Variants in MTOR observed in about 807,000 individuals in gnomAD.
MTOR encodes the protein serine/threonine-protein kinase mTOR.
MTOR carries 70 observed loss-of-function variants against 319.8 expected under a neutral mutation model. The observed-to-expected ratio is 0.22, with a 90% confidence interval of 0.18 to 0.27. The LOEUF is 0.27. Ranked by LOEUF, MTOR falls within the 10% of genes least tolerant of loss-of-function variation. MTOR has a pLI of 1.00. For missense variants in MTOR, 1,890 were observed against 3,274.4 expected (o/e 0.58, Z 10.32); for synonymous variants, 1,183 against 1,211.4 (o/e 0.98, Z 0.49).
intron 30 of MTOR, among the ~76,000 whole-genome samples, chr1:11,155,939 T>C (rs17036421): frequency 0.059 from 9,008 of 152,314 alleles, 377 homozygotes; most frequent in South Asian, 0.12. Context: ...AGGGATAACC[T>C]ACTAGTCGGG....
intron 19 of MTOR, chr1:11,226,400 G>A (rs1646839781): frequency 6.6e-6 from 1 of 152,134 alleles, no homozygotes; most frequent in South Asian, 2.1e-4. Flanking sequence ...CTACCAAAAA[G>A]CTACAACAAA....
intron 25 of MTOR, 42 bp downstream of exon 25, chr1:11,209,270 G>A: frequency 6.2e-7 from 1 of 1,613,440 alleles, no homozygotes; most frequent in African/African-American, 1.3e-5. Flanking sequence ...AGTGAGAAGA[G>A]CAGAGCTCTC....
intron 17 of MTOR, 71 bp downstream of exon 17, chr1:11,231,229 T>G (rs1647004925): frequency 6.2e-7 from 1 of 1,602,724 alleles, no homozygotes; most frequent in Non-Finnish European, 8.5e-7. Context: ...AGCATGTTAA[T>G]GCTGCAACCA....
intron 28 of MTOR, among the ~76,000 whole-genome samples, chr1:11,179,963 G>A (rs1415710192): frequency 1.3e-5 from 2 of 152,200 alleles, no homozygotes; most frequent in Non-Finnish European, 2.9e-5. Flanking sequence ...CCACGCTGGA[G>A]TGCAGTGGTG....
intron 57 of MTOR, 118 bp downstream of exon 57, chr1:11,108,063 G>T: frequency 1.4e-6 from 1 of 700,182 alleles, no homozygotes; most frequent in Admixed American, 2.7e-5. Flanking sequence ...AGAGATCTGA[G>T]CTCTAACTGC....
chr1:11,161,506 C>T (rs1412621553), intron 29 of MTOR, among the ~76,000 whole-genome samples: 2 of 152,202 alleles, frequency 1.3e-5, no homozygotes, highest in Non-Finnish European at 2.9e-5. Flanking sequence ...TCTCTGACCC[C>T]CCAGTAGCCT....
intron 11 of MTOR, among the ~76,000 whole-genome samples, chr1:11,239,018 C>T (rs1344068926): frequency 6.6e-6 from 1 of 151,820 alleles, no homozygotes; most frequent in African/African-American, 2.4e-5. Flanking sequence ...TTGTGATCCG[C>T]CCGCCTCGGC....
chr1:11,148,027 T>C (rs557952173), intron 31 of MTOR, among the ~76,000 whole-genome samples: 2 of 152,358 alleles, frequency 1.3e-5, no homozygotes, highest in East Asian at 1.9e-4. Flanking sequence ...GGGTTCATTA[T>C]ACTATAATCT....
chr1:11,159,911 A>C (rs373926864), intron 29 of MTOR, among the ~76,000 whole-genome samples: 1 of 152,146 alleles, frequency 6.6e-6, no homozygotes, highest in Admixed American at 6.5e-5. Context: ...AAGTTGATTA[A>C]GTTGATGCTT....
At chr1:11,186,082 C>CAAAAA (rs765868801) in intron 28 of MTOR, among the ~76,000 whole-genome samples, 52 of 42,980 alleles carry the variant, frequency 1.2e-3, no homozygotes, top group East Asian at 1.8e-3. Flanking sequence ...GACTCCGTCT[C>CAAAAA]AAAAAAAAAA....
intron 46 of MTOR, among the ~76,000 whole-genome samples, chr1:11,124,885 G>A (rs1477394006): frequency 2.0e-5 from 3 of 152,246 alleles, no homozygotes; most frequent in Non-Finnish European, 4.4e-5. Context: ...GGTTAGGCAT[G>A]GAAATGATCA....
chr1:11,255,291 G>C (rs1353623516), intron 5 of MTOR, among the ~76,000 whole-genome samples: 8 of 146,546 alleles, frequency 5.5e-5, no homozygotes, highest in African/African-American at 2.1e-4. Flanking sequence ...GCTGAGGCAG[G>C]AGAATCACTT....
rs2100424377 is a variant in MTOR, at chr1:11,129,824, G to A, written c.5628C>T (p.Thr1876=). ...QKKVTEDLSK[T]LLMYTVPAVQ... is the part of the protein sequence containing the mutation. ...CGGCAGGCACCGTGTACATCAGGAG[G>A]GTTTTGGACAGATCCTGTTGGAACA... is the stretch of plus-strand genomic sequence containing the variant. Residue 1876 remains threonine (T), a synonymous_variant, in exon 40 of 58, where the codon ACC becomes ACT. Coordinates refer to ENST00000361445, the MANE Select transcript of MTOR (RefSeq NM_004958.4). The surrounding 1 kb of genome is among the most constrained non-coding windows in gnomAD (Gnocchi z 4.7). The A allele has an allele frequency of 6.2e-7, 1 of 1,614,146 alleles. No homozygotes were observed. The highest frequency in any genetic ancestry group is 1.1e-5 in the South Asian group (1 of 91,076).
At chr1:11,130,288 A>G (rs1016437054) in intron 39 of MTOR, among the ~76,000 whole-genome samples, 3 of 152,226 alleles carry the variant, frequency 2.0e-5, no homozygotes, top group African/African-American at 7.2e-5. Context: ...GAGCTCGTCC[A>G]CAGGGAAGCT....
intron 1 of MTOR, 24 bp from the exon 2 acceptor site, chr1:11,259,447 T>A: frequency 6.6e-7 from 1 of 1,514,736 alleles, no homozygotes; most frequent in Non-Finnish European, 8.8e-7. Context: ...TTTCCTTTAA[T>A]ATTCTGGATA....
chr1:11,261,079 ACCATG>A (rs1170708071), intron 1 of MTOR, among the ~76,000 whole-genome samples: 1 of 151,932 alleles, frequency 6.6e-6, no homozygotes, highest in Non-Finnish European at 1.5e-5. Flanking sequence ...GGTGTGAGCC[ACCATG>A]CCCGGCCTGG....
Position 11,212,289 on chromosome 1 carries a change from G to A in MTOR, c.3561+23C>T, listed in dbSNP as rs1364733599. The A allele has an allele frequency of 1.2e-6, 2 of 1,605,760 alleles. No homozygotes were observed. The highest frequency in any genetic ancestry group is 2.2e-5 in the East Asian group (1 of 44,676). On this transcript the variant is annotated intron_variant, in intron 23 of 57. Transcript: ENST00000361445. This position sits in a 1 kb window ranked among gnomAD's most constrained non-coding sequence, Gnocchi z 4.1. ...TTCCAAATAAGGCAGAAGAGCACCTGTCTGTCCAGACTCCCATCTTACCTT... is the reference window on the plus strand; with the variant it reads ...TTCCAAATAAGGCAGAAGAGCACCTATCTGTCCAGACTCCCATCTTACCTT...
intron 5 of MTOR, among the ~76,000 whole-genome samples, chr1:11,254,359 C>T (rs1650086454): frequency 6.6e-6 from 1 of 152,150 alleles, no homozygotes; most frequent in Non-Finnish European, 1.5e-5. Flanking sequence ...AGGCTGGTCT[C>T]AAACTCCTGA....
At chr1:11,220,352 T>C (rs191043427) in intron 19 of MTOR, among the ~76,000 whole-genome samples, 2 of 152,290 alleles carry the variant, frequency 1.3e-5, no homozygotes, top group Admixed American at 6.5e-5. Context: ...TAGGAGAACC[T>C]AGAATAATAT....
Sources: allele counts gnomAD v4.1 joint callset (sites outside exome capture counted in the v4.1 genomes callset), GRCh38; gene constraint gnomAD v4.1.1; non-coding constraint Gnocchi (gnomAD v3.1); transcripts MANE v1.5; gene names NCBI Gene and HGNC (gene_info 2026-07-23, HGNC 2026-07-21).